SCN11A: variants seen among roughly 807,000 people sequenced by gnomAD.
SCN11A encodes sodium voltage-gated channel alpha subunit 11.
In SCN11A, 122 loss-of-function variants were observed where a neutral mutation model predicts 162.2. That is an observed-to-expected ratio of 0.75 (90% CI 0.65 to 0.87). The LOEUF (loss-of-function observed/expected upper bound fraction) is 0.87, where lower values mean the gene tolerates loss of function less well. Among genes scored for constraint, SCN11A ranks in the 40% least tolerant of loss-of-function variants. The probability of loss-of-function intolerance (pLI) is 0.00; values close to 1 mark genes in which losing one functional copy is unlikely to be tolerated. For missense variants in SCN11A, 2,015 were observed against 2,181.6 expected (o/e 0.92, Z 1.52); for synonymous variants, 758 against 751.5 (o/e 1.01, Z -0.14).
intron 28 of SCN11A, among the ~76,000 whole-genome samples, chr3:38,852,069 T>TGA (rs1186799064): frequency 6.6e-6 from 1 of 152,052 alleles, no homozygotes; most frequent in Non-Finnish European, 1.5e-5. Flanking sequence ...GGTAGAAGTA[T>TGA]GAGTTTGGAG....
rs1474071639 is a variant in SCN11A, at chr3:38,908,989, G to A, written c.1299+8C>T. 6.2e-6 allele frequency: 10 copies of A among 1,611,916 alleles called. No homozygotes were observed. The highest frequency in any genetic ancestry group is 6.8e-6 in the Non-Finnish European group (8 of 1,179,468). On this transcript the variant is annotated splice_region_variant and intron_variant, in intron 13 of 29. Coordinates refer to ENST00000302328, the MANE Select transcript of SCN11A (RefSeq NM_001349253.2). Reference sequence around the variant, plus strand: ...AGCAGATCCCACTGTCTGACCCCATGTCCCTACCTCCTTTTCCTCCTTTAA... The same window carrying A: ...AGCAGATCCCACTGTCTGACCCCATATCCCTACCTCCTTTTCCTCCTTTAA...
chr3:39,051,911 C>A lies in SCN11A; in HGVS notation c.-454G>T. The stretch of plus-strand genomic sequence containing the variant: ...AGCAACTAACAGCACCGAGGAAACA[C>A]AACAGCCTGTTTACCTTCAGCCCCG... On this transcript the variant is annotated 5_prime_UTR_variant, in exon 1 of 30. Transcript: ENST00000302328. 1 of 1,325,024 alleles carries A rather than the reference C, an allele frequency of 7.5e-7. No homozygotes were observed. Among genetic ancestry groups the A allele is most frequent in the Non-Finnish European group, 1.1e-6 (1 of 935,212 alleles). The allele number at this position is 1,325,024 out of a possible 1,614,324, so 82.1% of individuals were successfully genotyped here.
At chr3:38,998,815 C>T (rs1057037888) in intron 2 of SCN11A, among the ~76,000 whole-genome samples, 2 of 149,702 alleles carry the variant, frequency 1.3e-5, no homozygotes, top group African/African-American at 4.9e-5. Context: ...GGACAAAAAA[C>T]CAAACACCAC....
chr3:38,858,119 C>T (rs1337102030), intron 28 of SCN11A, among the ~76,000 whole-genome samples: 1 of 151,996 alleles, frequency 6.6e-6, no homozygotes, highest in Non-Finnish European at 1.5e-5. Context: ...TTTTAAAAAA[C>T]CCAACAAAGT....
chr3:38,919,233 C>G (rs550648924), intron 11 of SCN11A, among the ~76,000 whole-genome samples: 1 of 152,170 alleles, frequency 6.6e-6, no homozygotes, highest in Non-Finnish European at 1.5e-5. Flanking sequence ...AATCCAAAAA[C>G]GTGGAGCTGC....
chr3:38,909,967 A>C (rs923844123), intron 12 of SCN11A, 99 bp downstream of exon 12: 82 of 1,102,954 alleles, frequency 7.4e-5, no homozygotes, highest in Non-Finnish European at 9.8e-5. Context: ...GATGAATGGT[A>C]GTTATAAATA....
chr3:38,911,575 C>T (rs1406425886), intron 11 of SCN11A, among the ~76,000 whole-genome samples: 1 of 152,146 alleles, frequency 6.6e-6, no homozygotes, highest in Non-Finnish European at 1.5e-5. Context: ...TGCATCATTT[C>T]TTCACTAATT....
chr3:39,031,470 G>A (rs1478421963), intron 2 of SCN11A, among the ~76,000 whole-genome samples: 1 of 151,454 alleles, frequency 6.6e-6, no homozygotes, highest in African/African-American at 2.4e-5. Context: ...AGGTTGCAAT[G>A]AGCCAAGATT....
rs920633538 is a variant in SCN11A, at chr3:39,040,460, C to A, written c.-403-7957G>T. On this transcript the variant is annotated intron_variant, in intron 1 of 29. Transcript: ENST00000302328. Reference sequence around the variant, plus strand: ...ATGCACAGAAATCAACATAGGAACACAAGAAACATAAGAAAACAAGGAAAC... The same window carrying A: ...ATGCACAGAAATCAACATAGGAACAAAAGAAACATAAGAAAACAAGGAAAC... Among the ~76,000 whole-genome samples the A allele has an allele frequency of 4.6e-5, 7 of 152,250 alleles. No individual in the cohort carries two copies. The East Asian group carries it at 7.7e-4, about 17-fold the overall frequency.
chr3:39,032,325 A>G (rs1286816847), intron 2 of SCN11A, among the ~76,000 whole-genome samples, 55 bp downstream of exon 2: 1 of 152,186 alleles, frequency 6.6e-6, no homozygotes, highest in Non-Finnish European at 1.5e-5. Flanking sequence ...TTTTAAATAT[A>G]TTTTCAAAAT....
chr3:38,924,682 G>C lies in SCN11A; in HGVS notation c.712+733C>G, dbSNP rs1481077572. ...GCCACTGCACCTGGCCTTAACTCTT[G>C]TATTTTTGTAGAGACGAGGCTTTTC... On this transcript the variant is annotated intron_variant, in intron 9 of 29. Transcript: ENST00000302328. Among the ~76,000 whole-genome samples the C allele has an allele frequency of 2.0e-5, 3 of 152,080 alleles. No individual in the cohort carries two copies. In the East Asian group the frequency reaches 5.8e-4, roughly 29 times the overall value.
At chr3:38,975,587 C>T (rs1334851156) in intron 2 of SCN11A, among the ~76,000 whole-genome samples, 1 of 152,190 alleles carries the variant, frequency 6.6e-6, no homozygotes. Context: ...TGTTCAACTT[C>T]TTTAGCAAGC....
chr3:38,854,504 G>A (rs1028184322), intron 28 of SCN11A, among the ~76,000 whole-genome samples: 8 of 152,172 alleles, frequency 5.3e-5, no homozygotes, highest in African/African-American at 9.7e-5. Context: ...CGTGCATCTC[G>A]CACTTGGATG....
At chr3:38,862,923 C>T (rs1179117760) in intron 28 of SCN11A, among the ~76,000 whole-genome samples, 1 of 152,044 alleles carries the variant, frequency 6.6e-6, no homozygotes, top group Non-Finnish European at 1.5e-5. Context: ...AAATTAAGTT[C>T]AAACAAACCA....
intron 11 of SCN11A, among the ~76,000 whole-genome samples, chr3:38,918,030 A>T (rs1398924397): frequency 6.6e-6 from 1 of 152,036 alleles, no homozygotes; most frequent in African/African-American, 2.4e-5. Flanking sequence ...GTCTGATGTT[A>T]TTTGAGTTTT....
chr3:38,957,241 G>A (rs2066692829), intron 3 of SCN11A, among the ~76,000 whole-genome samples: 1 of 151,980 alleles, frequency 6.6e-6, no homozygotes. Context: ...ACACTAAAAT[G>A]GTTAAAAGTG....
At chr3:38,936,926 C>G (rs1319607390) in intron 7 of SCN11A, among the ~76,000 whole-genome samples, 1 of 151,930 alleles carries the variant, frequency 6.6e-6, no homozygotes, top group Non-Finnish European at 1.5e-5. Context: ...CAATCCTAAG[C>G]CAAAAGAACA....
At chr3:38,946,754 A>G (rs542084377) in intron 6 of SCN11A, 35 bp downstream of exon 6, 1 of 1,387,916 alleles carries the variant, frequency 7.2e-7, no homozygotes, top group Non-Finnish European at 1.0e-6. Context: ...TTTTCAAATG[A>G]TCTGGACTTA....
chr3:38,846,656 A>G lies in SCN11A; in HGVS notation c.*38T>C. 1 of 1,557,824 alleles carries G rather than the reference A, an allele frequency of 6.4e-7. No homozygotes were observed. The highest frequency in any genetic ancestry group is 8.8e-7 in the Non-Finnish European group (1 of 1,132,172). ...CCCTGGAGCTCAGAGGCTGAAGGCAAGGCTGTGAAGCTATGAGGTAGGCGT... is the reference window on the plus strand; with the variant it reads ...CCCTGGAGCTCAGAGGCTGAAGGCAGGGCTGTGAAGCTATGAGGTAGGCGT... On this transcript the variant is annotated 3_prime_UTR_variant, in exon 30 of 30. Transcript: ENST00000302328.
Sources: gnomAD v4.1 joint callset for allele counts (sites outside exome capture counted in the v4.1 genomes callset) on GRCh38, gnomAD v4.1.1 for gene constraint, MANE v1.5 for transcripts, NCBI Gene and HGNC (gene_info 2026-07-23, HGNC 2026-07-21) for gene names.